The following VPS13B variants were observed in gnomAD, a reference collection of about 807,000 sequenced individuals.
The protein encoded by VPS13B is intermembrane lipid transfer protein VPS13B.
VPS13B carries 285 observed loss-of-function variants against 426.4 expected under a neutral mutation model. The ratio of observed to expected loss-of-function variants is 0.67; its 90% CI spans 0.61 to 0.74. The LOEUF (loss-of-function observed/expected upper bound fraction) is 0.74, where lower values mean the gene tolerates loss of function less well. Among genes scored for constraint, VPS13B ranks in the 30% least tolerant of loss-of-function variants. The probability of loss-of-function intolerance (pLI) is 0.00; values close to 1 mark genes in which losing one functional copy is unlikely to be tolerated. For missense variants in VPS13B, 4,537 were observed against 4,782.6 expected, an observed-to-expected ratio of 0.95 and a Z score of 1.51; for synonymous variants, 1,676 against 1,676.4, an observed-to-expected ratio of 1.00 and a Z score of 0.01.
intron 39 of VPS13B, among the ~76,000 whole-genome samples, chr8:99,765,062 A>G (rs1433236735): frequency 6.6e-6 from 1 of 152,116 alleles, no homozygotes; most frequent in Non-Finnish European, 1.5e-5. Flanking sequence ...CCTGGCCAAC[A>G]TGGCGAAACC....
At chr8:99,169,866 A>G (rs1812225317) in intron 15 of VPS13B, among the ~76,000 whole-genome samples, 173 bp from the exon 16 acceptor site, 1 of 152,082 alleles carries the variant, frequency 6.6e-6, no homozygotes, top group South Asian at 2.1e-4. Flanking sequence ...CTTAATTTTG[A>G]CCTACTGTCA....
In VPS13B at chr8:99,577,787, TC is replaced by T. The variant is rs1449273533; in HGVS notation, c.5220+155del. ...GTCATAAGTCATTTTGGATTGATATTCTTTATTTTAGAAATTTGTTTGGTCT... is the reference window on the plus strand; with the variant it reads ...GTCATAAGTCATTTTGGATTGATATTTTTATTTTAGAAATTTGTTTGGTCT... On this transcript the variant is annotated intron_variant, in intron 33 of 61. Coordinates refer to ENST00000357162, the MANE Select transcript of VPS13B (RefSeq NM_152564.5). 11 of 1,100,434 alleles carry T rather than the reference TC, an allele frequency of 1.0e-5. No homozygotes were observed. The African/African-American group carries it at 1.7e-4, about 17-fold the overall frequency. The allele number at this position is 1,100,434 out of a possible 1,614,324, so 68.2% of individuals were successfully genotyped here. A position where few individuals can be genotyped will look rare whatever the true frequency, so the allele number is the denominator to read the frequency against.
intron 44 of VPS13B, among the ~76,000 whole-genome samples, chr8:99,816,040 C>T (rs971534085): frequency 1.3e-5 from 2 of 151,780 alleles, no homozygotes; most frequent in Admixed American, 1.3e-4. Flanking sequence ...CCATGTTGCC[C>T]AGGCTAGTCT....
At chr8:99,839,196 G>A (rs1428495760) in intron 54 of VPS13B, among the ~76,000 whole-genome samples, 1 of 152,214 alleles carries the variant, frequency 6.6e-6, no homozygotes, top group Non-Finnish European at 1.5e-5. Flanking sequence ...AAATTCTCAT[G>A]ATCTTTGACT....
chr8:99,330,465 C>G (rs1278111728), intron 19 of VPS13B, among the ~76,000 whole-genome samples: 1 of 139,578 alleles, frequency 7.2e-6, no homozygotes, highest in Non-Finnish European at 1.6e-5. Flanking sequence ...TGAACCATCA[C>G]TTAATATAGT....
rs1447126002 is a variant in VPS13B at position 99,501,924 on chromosome 8, C to T, written c.4042+66C>T. 5 of 1,436,844 alleles carry T rather than the reference C, an allele frequency of 3.5e-6. No homozygotes were observed. The South Asian group carries it at 3.7e-5, about 11-fold the overall frequency. The allele number at this position is 1,436,844 out of a possible 1,614,324, so 89.0% of individuals were successfully genotyped here. On this transcript the variant is annotated intron_variant, in intron 26 of 61. Coordinates refer to ENST00000357162, the MANE Select transcript of VPS13B (RefSeq NM_152564.5). Reference sequence around the variant, plus strand: ...CCTCCCTCCCTCCCTCCCTCCCTCCCTCCCTTCCTTCCTTCCTTTCTTTTC... The same window carrying T: ...CCTCCCTCCCTCCCTCCCTCCCTCCTTCCCTTCCTTCCTTCCTTTCTTTTC...
At chr8:99,808,313 A>G (rs1331139565) in intron 43 of VPS13B, among the ~76,000 whole-genome samples, 1 of 152,030 alleles carries the variant, frequency 6.6e-6, no homozygotes, top group Non-Finnish European at 1.5e-5. Flanking sequence ...AGGTCAAGAG[A>G]TCGAGACCAG....
At chr8:99,479,257 C>T (rs1819910547) in intron 24 of VPS13B, among the ~76,000 whole-genome samples, 1 of 152,056 alleles carries the variant, frequency 6.6e-6, no homozygotes, top group African/African-American at 2.4e-5. Flanking sequence ...TCAGCCTCTC[C>T]AGTGAAATTG....
chr8:99,474,453 C>A (rs912029279), intron 24 of VPS13B, among the ~76,000 whole-genome samples: 1 of 152,018 alleles, frequency 6.6e-6, no homozygotes, highest in African/African-American at 2.4e-5. Context: ...TCCCAAAGTG[C>A]TGGGATTACA....
chr8:99,474,965 T>TA (rs1360454570), intron 24 of VPS13B, among the ~76,000 whole-genome samples: 8 of 152,034 alleles, frequency 5.3e-5, no homozygotes, highest in Non-Finnish European at 7.4e-5. Context: ...GGTGAATTAG[T>TA]AAAAAAATTA....
At chr8:99,502,249 G>C (rs1821289279) in intron 26 of VPS13B, among the ~76,000 whole-genome samples, 1 of 152,140 alleles carries the variant, frequency 6.6e-6, no homozygotes, top group African/African-American at 2.4e-5. Flanking sequence ...CGCCCAAAGT[G>C]TTGGGATTAC....
At chr8:99,339,195 G>T (rs1040513462) in intron 19 of VPS13B, among the ~76,000 whole-genome samples, 9 of 152,184 alleles carry the variant, frequency 5.9e-5, no homozygotes, top group African/African-American at 2.2e-4. Flanking sequence ...TTAATATTAA[G>T]TTTGGAAGAG....
intron 34 of VPS13B, among the ~76,000 whole-genome samples, chr8:99,651,823 A>G (rs1302360687): frequency 1.3e-5 from 2 of 152,178 alleles, no homozygotes; most frequent in Non-Finnish European, 2.9e-5. Context: ...TGGCTGTGCC[A>G]TCTGGTCAAA....
intron 17 of VPS13B, among the ~76,000 whole-genome samples, chr8:99,263,528 C>T (rs932341046): frequency 6.6e-6 from 1 of 152,136 alleles, no homozygotes; most frequent in Admixed American, 6.6e-5. Flanking sequence ...AAACCCCTTT[C>T]CCTGCTTTTT....
At chr8:99,051,133 A>G (rs1843526310) in intron 3 of VPS13B, among the ~76,000 whole-genome samples, 1 of 152,134 alleles carries the variant, frequency 6.6e-6, no homozygotes, top group Admixed American at 6.5e-5. Flanking sequence ...GGTATTGCCT[A>G]GGTTTTCTTC....
intron 44 of VPS13B, among the ~76,000 whole-genome samples, chr8:99,812,859 A>T (rs982574380): frequency 6.6e-6 from 1 of 152,170 alleles, no homozygotes; most frequent in Non-Finnish European, 1.5e-5. Context: ...GCACTGATCT[A>T]ATAAGAGTTC....
At chr8:99,202,580 AGGACCAGATGGAT>A (rs1029128500) in intron 17 of VPS13B, among the ~76,000 whole-genome samples, 1 of 152,234 alleles carries the variant, frequency 6.6e-6, no homozygotes, top group Non-Finnish European at 1.5e-5. Context: ...AAAAAAGCCC[AGGACCAGATGGAT>A]TCACAGCTGA....
chr8:99,227,509 C>T (rs1397211313), intron 17 of VPS13B, among the ~76,000 whole-genome samples: 1 of 151,916 alleles, frequency 6.6e-6, no homozygotes, highest in African/African-American at 2.4e-5. Flanking sequence ...AACATTTTTG[C>T]TTTTATCTTT....
chr8:99,465,858 C>T (rs1249194485), intron 23 of VPS13B, among the ~76,000 whole-genome samples: 1 of 151,958 alleles, frequency 6.6e-6, no homozygotes, highest in Admixed American at 6.6e-5. Context: ...TCATTGTTTC[C>T]AGTCAAGTTA....
Sources: gnomAD v4.1 joint callset for allele counts (sites outside exome capture counted in the v4.1 genomes callset) on GRCh38, gnomAD v4.1.1 for gene constraint, MANE v1.5 for transcripts, NCBI Gene and HGNC (gene_info 2026-07-23, HGNC 2026-07-21) for gene names.